Variants in PTPRN2 observed in about 807,000 individuals in gnomAD.
PTPRN2 encodes receptor-type tyrosine-protein phosphatase N2.
In PTPRN2, 74 loss-of-function variants were observed where a neutral mutation model predicts 118.8. That is an observed-to-expected ratio of 0.62 (90% CI 0.52 to 0.76). The LOEUF is 0.76. Among genes scored for constraint, PTPRN2 ranks in the 30% least tolerant of loss-of-function variants. The pLI is 0.00. For synonymous variants in PTPRN2, 641 were observed against 608.0 expected, an observed-to-expected ratio of 1.05 and a Z score of -0.80; for missense variants, 1,481 against 1,394.4, an observed-to-expected ratio of 1.06 and a Z score of -0.99.
At chr7:157,678,048 C>A (rs574160455) in intron 13 of PTPRN2, among the ~76,000 whole-genome samples, 20 of 152,298 alleles carry the variant, frequency 1.3e-4, no homozygotes, top group African/African-American at 4.8e-4. Flanking sequence ...GAAAAATTTC[C>A]ATTTTCAGGC....
rs532838698 is a variant in PTPRN2, at chr7:157,615,182, C to T, written c.2344+6180G>A. Reference sequence around the variant, plus strand: ...CCAGCGTGGGTGGTGGGTGTGCAGGCGATGCCACGCTACCCCTTCCACTTG... The same window carrying T: ...CCAGCGTGGGTGGTGGGTGTGCAGGTGATGCCACGCTACCCCTTCCACTTG... On this transcript the variant is annotated intron_variant, in intron 15 of 22. Transcript: ENST00000389418. The surrounding 1 kb of genome is among the most constrained non-coding windows in gnomAD (Gnocchi z 4.3). Among the ~76,000 whole-genome samples the T allele has an allele frequency of 6.6e-6, 1 of 152,322 alleles. No individual in the cohort carries two copies. The highest frequency in any genetic ancestry group is 2.1e-4 in the South Asian group (1 of 4,828).
In PTPRN2 at chr7:157,735,793, C is replaced by T. The variant is rs544464774; in HGVS notation, c.1789-52856G>A. Among the ~76,000 whole-genome samples the T allele has an allele frequency of 3.3e-5, 5 of 152,114 alleles. No individual in the cohort carries two copies. The East Asian group carries it at 7.8e-4, about 24-fold the overall frequency. ...GGAGCAGGTGGGCGCCTTTGGTCCC[C>T]GTCCTCCTGGCAGGCAGTGGCTGAG... On this transcript the variant is annotated intron_variant, in intron 12 of 22. Transcript: ENST00000389418.
chr7:158,508,902 C>T (rs933250563), intron 1 of PTPRN2, among the ~76,000 whole-genome samples: 3 of 141,530 alleles, frequency 2.1e-5, no homozygotes, highest in Non-Finnish European at 4.6e-5. Context: ...CAACGTGGGA[C>T]GCTCGGAGCA....
At chr7:157,858,024 T>G (rs1318160299) in intron 12 of PTPRN2, among the ~76,000 whole-genome samples, 1 of 151,782 alleles carries the variant, frequency 6.6e-6, no homozygotes, top group Non-Finnish European at 1.5e-5. Context: ...ACACGGCCTT[T>G]GCTGGTTCTC....
chr7:158,128,518 C>CTAG (rs560898102), intron 9 of PTPRN2, among the ~76,000 whole-genome samples: 328 of 152,204 alleles, frequency 2.2e-3, no homozygotes, highest in African/African-American at 7.5e-3. Context: ...CAAAGAAAAG[C>CTAG]CCTAGCTTTT....
intron 3 of PTPRN2, among the ~76,000 whole-genome samples, chr7:158,218,367 A>G (rs1828110139): frequency 6.6e-6 from 1 of 152,200 alleles, no homozygotes; most frequent in Admixed American, 6.5e-5. Flanking sequence ...AGAAGAAATA[A>G]AATCATTTTT....
rs528132966 is a variant in PTPRN2, at chr7:157,619,408, C to T, written c.2344+1954G>A. ...ACCACCCTCACTTGTCCTACCACAC[C>T]GGCTTCACTCCCCGCCCTCTCCTCC... On this transcript the variant is annotated intron_variant, in intron 15 of 22. Coordinates refer to ENST00000389418, the MANE Select transcript of PTPRN2 (RefSeq NM_002847.5). The surrounding 1 kb of genome is among the most constrained non-coding windows in gnomAD (Gnocchi z 5.3). 4.6e-5 allele frequency among the ~76,000 whole-genome samples: 7 copies of T among 152,246 alleles called. No homozygotes were observed. Among genetic ancestry groups the T allele is most frequent in the African/African-American group, 1.2e-4 (5 of 41,556 alleles).
At chr7:158,195,736 A>T (rs1826163173) in intron 4 of PTPRN2, among the ~76,000 whole-genome samples, 1 of 151,980 alleles carries the variant, frequency 6.6e-6, no homozygotes, top group South Asian at 2.1e-4. Flanking sequence ...CCACCCATGA[A>T]ATTTTCCTGT....
intron 11 of PTPRN2, among the ~76,000 whole-genome samples, chr7:157,941,112 C>T (rs1453579955): frequency 4.6e-5 from 3 of 65,392 alleles, no homozygotes; most frequent in South Asian, 7.2e-4. Context: ...AATCTAACAC[C>T]CTCCCCCGTG....
chr7:157,623,734 C>T (rs965340634), intron 14 of PTPRN2, among the ~76,000 whole-genome samples: 16 of 152,098 alleles, frequency 1.1e-4, no homozygotes, highest in South Asian at 2.1e-4. Flanking sequence ...TGTTTTTTCA[C>T]GGAGAATGAA....
intron 11 of PTPRN2, among the ~76,000 whole-genome samples, chr7:157,905,932 C>T (rs1017867226): frequency 2.0e-5 from 3 of 152,138 alleles, no homozygotes; most frequent in African/African-American, 7.2e-5. Context: ...AACGACGTCC[C>T]CTAGGGTAAG....
At chr7:158,552,769 G>A (rs1194489457) in intron 1 of PTPRN2, among the ~76,000 whole-genome samples, 1 of 152,232 alleles carries the variant, frequency 6.6e-6, no homozygotes, top group African/African-American at 2.4e-5. Context: ...AATCAAAAAA[G>A]TGTCTACATA....
At chr7:157,935,624 T>C (rs28538402) in intron 11 of PTPRN2, among the ~76,000 whole-genome samples, 5,337 of 152,312 alleles carry the variant, frequency 0.035, 284 homozygotes, top group African/African-American at 0.11. Flanking sequence ...GGACTTTCTT[T>C]TCTCTTCTTT....
At chr7:158,249,327 C>T (rs1796502752) in intron 3 of PTPRN2, among the ~76,000 whole-genome samples, 1 of 151,270 alleles carries the variant, frequency 6.6e-6, no homozygotes, top group Non-Finnish European at 1.5e-5. Flanking sequence ...TGCATGCACA[C>T]ACCCTGCATG....
chr7:158,114,794 GA>G (rs1816592226), intron 9 of PTPRN2, among the ~76,000 whole-genome samples: 1 of 152,202 alleles, frequency 6.6e-6, no homozygotes, highest in Non-Finnish European at 1.5e-5. Flanking sequence ...AGGGCTGAGA[GA>G]ATGGATCGTG....
chr7:158,340,249 A>G (rs1806409426), intron 2 of PTPRN2, among the ~76,000 whole-genome samples: 1 of 90,622 alleles, frequency 1.1e-5, no homozygotes, highest in Non-Finnish European at 2.4e-5. Context: ...CCACACTCTC[A>G]CTATAAGAGG....
At chr7:158,331,576 C>T (rs1399861187) in intron 2 of PTPRN2, among the ~76,000 whole-genome samples, 12 of 131,692 alleles carry the variant, frequency 9.1e-5, no homozygotes, top group African/African-American at 2.8e-4. Context: ...CTCACACCCA[C>T]ACTCTCACCA....
intron 1 of PTPRN2, among the ~76,000 whole-genome samples, chr7:158,502,385 G>C (rs1375925634): frequency 6.6e-6 from 1 of 152,222 alleles, no homozygotes; most frequent in Admixed American, 6.5e-5. Context: ...AAGATCAAAA[G>C]AAGGTTAGAA....
chr7:157,981,854 G>T (rs1803177875), intron 11 of PTPRN2, among the ~76,000 whole-genome samples: 1 of 152,290 alleles, frequency 6.6e-6, no homozygotes, highest in African/African-American at 2.4e-5. Flanking sequence ...TTGCAAAGCA[G>T]CAGTTCTCCA....
Sources: gnomAD v4.1 joint callset for allele counts (sites outside exome capture counted in the v4.1 genomes callset) on GRCh38, gnomAD v4.1.1 for gene constraint, Gnocchi (gnomAD v3.1) non-coding constraint, MANE v1.5 for transcripts, NCBI Gene and HGNC (gene_info 2026-07-23, HGNC 2026-07-21) for gene names.